EEF2KMT: variants seen among roughly 807,000 people sequenced by gnomAD.
EEF2KMT encodes eukaryotic elongation factor 2 lysine methyltransferase.
In EEF2KMT, 30 loss-of-function variants were observed where a neutral mutation model predicts 35.1. The observed-to-expected ratio is 0.85, with a 90% confidence interval of 0.64 to 1.16. The LOEUF is 1.16. Ranked by LOEUF, EEF2KMT falls within the 50% of genes most tolerant of loss-of-function variation. The probability of loss-of-function intolerance (pLI) is 0.00; values close to 1 mark genes in which losing one functional copy is unlikely to be tolerated. For synonymous variants in EEF2KMT, 190 were observed against 187.7 expected, an observed-to-expected ratio of 1.01 and a Z score of -0.10; for missense variants, 499 against 438.2, an observed-to-expected ratio of 1.14 and a Z score of -1.24.
intron 3 of EEF2KMT, among the ~76,000 whole-genome samples, chr16:5,092,287 C>CT (rs1957356478): frequency 2.0e-5 from 3 of 152,062 alleles, no homozygotes; most frequent in Admixed American, 1.3e-4. Flanking sequence ...GATAGAGAGC[C>CT]GTGTTTGGAT....
At chr16:5,092,206 G>A (rs571860913) in intron 3 of EEF2KMT, among the ~76,000 whole-genome samples, 39 of 152,286 alleles carry the variant, frequency 2.6e-4, no homozygotes, top group Middle Eastern at 3.4e-3. Context: ...AACCAGAGGT[G>A]TTGGGAGGGT....
intron 4 of EEF2KMT, 76 bp downstream of exon 4, chr16:5,091,718 C>T (rs908993274): frequency 6.3e-6 from 10 of 1,591,422 alleles, no homozygotes; most frequent in African/African-American, 2.7e-5. Flanking sequence ...GATTTGAACC[C>T]ACACCCACGT....
intron 7 of EEF2KMT, 97 bp from the exon 8 acceptor site, chr16:5,085,829 G>T (rs371821907): frequency 2.1e-6 from 2 of 968,554 alleles, no homozygotes; most frequent in Non-Finnish European, 3.4e-6. Flanking sequence ...GCGGGGTAGG[G>T]GGGTGTCCAA....
At position 5,086,334 on chromosome 16, in the gene EEF2KMT, CAAAAA is replaced by C. The variant is rs374671583; in HGVS notation, c.893-607_893-603del. ...TGAGTGACAGGGTGAGACTAAGTCT[CAAAAA>C]AAAAAAAAAAAAACCACACGCACCA... On this transcript the variant is annotated intron_variant, in intron 7 of 7. Coordinates refer to ENST00000427587, the MANE Select transcript of EEF2KMT (RefSeq NM_201400.4). Among the ~76,000 whole-genome samples, 178 of 128,272 alleles carry C rather than the reference CAAAAA, an allele frequency of 1.4e-3. 3 individuals are homozygous for C. In the South Asian group the frequency reaches 0.017, roughly 13 times the overall value. The allele number at this position is 128,272 out of a possible 152,430, so 84.2% of individuals were successfully genotyped here.
At chr16:5,097,580 C>A (rs757740457) in intron 1 of EEF2KMT, 64 bp downstream of exon 1, 7 of 1,527,498 alleles carry the variant, frequency 4.6e-6, no homozygotes, top group Non-Finnish European at 4.4e-6. Flanking sequence ...GCACGGAGAC[C>A]CGTCCCGTCT....
rs200289730 is a variant in EEF2KMT at position 5,095,409 on chromosome 16, C to G, written c.159+43G>C. The G allele has an allele frequency of 1.8e-5, 29 of 1,610,524 alleles. No individual in the cohort carries two copies. The African/African-American group carries it at 3.1e-4, about 17-fold the overall frequency. The stretch of plus-strand genomic sequence containing the variant: ...TTCTCTCAGGTCTTCTGGAGAGATT[C>G]AGGAGGCAGGGTCATGAGTCCCAGG... On this transcript the variant is annotated intron_variant, in intron 2 of 7. Transcript: ENST00000427587.
chr16:5,087,555 T>G (rs1402323502), intron 7 of EEF2KMT, among the ~76,000 whole-genome samples: 1 of 152,082 alleles, frequency 6.6e-6, no homozygotes, highest in Non-Finnish European at 1.5e-5. Flanking sequence ...TCCTAACACT[T>G]TGGGAGGCTG....
chr16:5,088,975 C>T (rs1957277423), intron 7 of EEF2KMT, 132 bp downstream of exon 7: 1 of 1,584,198 alleles, frequency 6.3e-7, no homozygotes, highest in South Asian at 1.1e-5. Context: ...TGGCCTCTGC[C>T]TGAGTTCCCC....
At chr16:5,088,934 GC>G (rs1239070837) in intron 7 of EEF2KMT, among the ~76,000 whole-genome samples, 172 bp downstream of exon 7, 4 of 152,178 alleles carry the variant, frequency 2.6e-5, no homozygotes, top group Admixed American at 6.5e-5. Context: ...CCTGCCGCAA[GC>G]CCCCCACGCC....
intron 4 of EEF2KMT, among the ~76,000 whole-genome samples, chr16:5,091,561 G>A (rs895103985): frequency 6.6e-6 from 1 of 152,252 alleles, no homozygotes; most frequent in Non-Finnish European, 1.5e-5. Flanking sequence ...TTGTGAAGCA[G>A]GTAGTGTGTG....
chr16:5,089,796 T>C (rs1470909725), intron 6 of EEF2KMT, among the ~76,000 whole-genome samples: 1 of 152,176 alleles, frequency 6.6e-6, no homozygotes, highest in Non-Finnish European at 1.5e-5. Flanking sequence ...AAGTGGTTGT[T>C]TTCCTCCTGT....
At chr16:5,091,328 C>G (rs533508732) in intron 4 of EEF2KMT, among the ~76,000 whole-genome samples, 2 of 152,132 alleles carry the variant, frequency 1.3e-5, no homozygotes, top group African/African-American at 4.8e-5. Flanking sequence ...GTGATCCCCC[C>G]GCCTCAGCCT....
At chr16:5,097,506 G>A (rs865833710) in intron 1 of EEF2KMT, 138 bp downstream of exon 1, 11 of 1,446,288 alleles carry the variant, frequency 7.6e-6, no homozygotes, top group African/African-American at 2.9e-5. Context: ...GACGGGGACC[G>A]GGTCGCGCGG....
At position 5,090,312 on chromosome 16, in the gene EEF2KMT, C is replaced by T; in HGVS notation, c.514G>A (p.Gly172Ser). ...CGGCACATCTTGCAGATGGCCAGGCCTGTGAGGCCAGCACCACTGCCAAGC... is the reference window on the plus strand; with the variant it reads ...CGGCACATCTTGCAGATGGCCAGGCTTGTGAGGCCAGCACCACTGCCAAGC... The part of the protein sequence containing the change: ...LELGSGAGLT[G>S]LAICKMCRPR... Residue 172 changes from glycine to serine, a missense_variant, in exon 6 of 8, where the codon GGC becomes AGC. By Grantham distance (56) the Gly-to-Ser change is moderately conservative. Coordinates refer to ENST00000427587, the MANE Select transcript of EEF2KMT (RefSeq NM_201400.4). The surrounding 1 kb of genome is among the most constrained non-coding windows in gnomAD (Gnocchi z 4.1). 2 of 1,612,064 alleles carry T rather than the reference C, an allele frequency of 1.2e-6. No homozygotes were observed. The highest frequency in any genetic ancestry group is 2.3e-4 in the Middle Eastern group (1 of 4,430).
rs367949536 is a variant in EEF2KMT at position 5,095,410 on chromosome 16, A to C, written c.159+42T>G. The stretch of plus-strand genomic sequence containing the variant: ...TCTCTCAGGTCTTCTGGAGAGATTC[A>C]GGAGGCAGGGTCATGAGTCCCAGGG... On this transcript the variant is annotated intron_variant, in intron 2 of 7. Coordinates refer to ENST00000427587, the MANE Select transcript of EEF2KMT (RefSeq NM_201400.4). The C allele has an allele frequency of 3.7e-6, 6 of 1,610,454 alleles. No individual in the cohort carries two copies. In the African/African-American group the frequency reaches 8.0e-5, roughly 21 times the overall value.
Position 5,090,792 on chromosome 16 carries a change from C to A in EEF2KMT, c.343-227G>T, listed in dbSNP as rs1957326736. Among the ~76,000 whole-genome samples the A allele has an allele frequency of 6.6e-6, 1 of 152,142 alleles. No homozygotes were observed. The highest frequency in any genetic ancestry group is 1.5e-5 in the Non-Finnish European group (1 of 68,024). On this transcript the variant is annotated intron_variant, in intron 4 of 7. Coordinates refer to ENST00000427587, the MANE Select transcript of EEF2KMT (RefSeq NM_201400.4). This position sits in a 1 kb window ranked among gnomAD's most constrained non-coding sequence, Gnocchi z 4.1. The stretch of plus-strand genomic sequence containing the variant: ...CCACACAGGATTCCATTCATCGAAC[C>A]TTCCTGAGACAACGGAATTCTGGCG...
chr16:5,097,177 G>A (rs1179141508), intron 1 of EEF2KMT: 26 of 741,008 alleles, frequency 3.5e-5, no homozygotes, highest in Non-Finnish European at 4.6e-5. Context: ...GACAGCCTCA[G>A]AGCATGAGCC....
rs1485521061 is a variant in EEF2KMT, at chr16:5,087,080, C to T, written c.893-1348G>A. ...TGTGTAGAAATCTCTATAATCCTGC[C>T]ATCCAAGGATGGCACCTGTTAATGT... On this transcript the variant is annotated intron_variant, in intron 7 of 7. Coordinates refer to ENST00000427587, the MANE Select transcript of EEF2KMT (RefSeq NM_201400.4). The T allele has an allele frequency of 3.3e-5, 5 of 152,076 alleles. No homozygotes were observed. The East Asian group carries it at 7.7e-4, about 23-fold the overall frequency. 9.4% of individuals were successfully genotyped at this position (152,076 alleles called of 1,614,324 possible).
intron 4 of EEF2KMT, 25 bp downstream of exon 4, chr16:5,091,769 G>T: frequency 1.2e-6 from 2 of 1,611,062 alleles, no homozygotes; most frequent in Non-Finnish European, 1.7e-6. Context: ...GGGCTGTGAG[G>T]GGGAGGAGGG....
Sources: gnomAD v4.1 joint callset for allele counts (sites outside exome capture counted in the v4.1 genomes callset) on GRCh38, gnomAD v4.1.1 for gene constraint, Gnocchi (gnomAD v3.1) non-coding constraint, MANE v1.5 for transcripts, NCBI Gene and HGNC (gene_info 2026-07-23, HGNC 2026-07-21) for gene names.